TXNL4B: variants seen among roughly 807,000 people sequenced by gnomAD.
TXNL4B encodes the protein thioredoxin like 4B.
In TXNL4B, 12 loss-of-function variants were observed where a neutral mutation model predicts 13.0. The ratio of observed to expected loss-of-function variants is 0.92; its 90% CI spans 0.59 to 1.49. TXNL4B has a LOEUF of 1.49. Ranked by LOEUF, TXNL4B falls within the 40% of genes most tolerant of loss-of-function variation. The pLI is 0.00. For synonymous variants in TXNL4B, 59 were observed against 58.9 expected (o/e 1.00, Z -0.01); for missense variants, 214 against 173.6 (o/e 1.23, Z -1.31).
At chr16:72,092,077 A>C (rs113741761) in intron 1 of TXNL4B, among the ~76,000 whole-genome samples, 20 of 152,374 alleles carry the variant, frequency 1.3e-4, no homozygotes, top group Admixed American at 3.3e-4. Context: ...AAATATGAAA[A>C]GGGAGGATTT....
chr16:72,091,089 C>G (rs988452907), intron 1 of TXNL4B, among the ~76,000 whole-genome samples: 1 of 152,132 alleles, frequency 6.6e-6, no homozygotes, highest in Non-Finnish European at 1.5e-5. Flanking sequence ...CTCCCCACCC[C>G]CAAAAGATAG....
intron 3 of TXNL4B, among the ~76,000 whole-genome samples, chr16:72,088,525 G>A (rs1390010623): frequency 6.6e-6 from 1 of 152,234 alleles, no homozygotes; most frequent in African/African-American, 2.4e-5. Flanking sequence ...CTTTGCAAGA[G>A]AGAAGCACAT....
rs1597425531 is a variant in TXNL4B, at chr16:72,084,986, T to C, written c.*1651A>G. ...CTTAGCATATCGATGTTTTACGTGA[T>C]GCTGGGCACCTCGGGGACCTAAGAT... is the stretch of plus-strand genomic sequence containing the variant. On this transcript the variant is annotated 3_prime_UTR_variant, in exon 4 of 4. Transcript: ENST00000268483. The C allele has an allele frequency of 2.5e-6, 1 of 398,650 alleles. No homozygotes were observed. The highest frequency in any genetic ancestry group is 3.6e-5 in the East Asian group (1 of 28,082). The allele number at this position is 398,650 out of a possible 1,614,324, so 24.7% of individuals were successfully genotyped here. A position where few individuals can be genotyped will look rare whatever the true frequency, so the allele number is the denominator to read the frequency against.
rs1471470834 is a variant in TXNL4B, at chr16:72,084,893, T to C, written c.*1744A>G. 1 of 398,538 alleles carries C rather than the reference T, an allele frequency of 2.5e-6. No homozygotes were observed. Among genetic ancestry groups the C allele is most frequent in the African/African-American group, 2.1e-5 (1 of 48,642 alleles). The allele number at this position is 398,538 out of a possible 1,614,324, so 24.7% of individuals were successfully genotyped here. On this transcript the variant is annotated 3_prime_UTR_variant, in exon 4 of 4. Coordinates refer to ENST00000268483, the MANE Select transcript of TXNL4B (RefSeq NM_017853.3). ...GAAATTTTATTCTTTCACAGAAGTC[T>C]GAGGCAGGCAGGTCCAGAGTTCATG...
intron 2 of TXNL4B, among the ~76,000 whole-genome samples, chr16:72,089,833 G>C (rs2041876631): frequency 6.6e-6 from 1 of 152,140 alleles, no homozygotes; most frequent in Non-Finnish European, 1.5e-5. Flanking sequence ...TATGCTATCA[G>C]AGTCCCCATT....
intron 2 of TXNL4B, chr16:72,089,968 C>T (rs1038364496): frequency 5.0e-6 from 2 of 399,450 alleles, no homozygotes. Flanking sequence ...TCACTGACCT[C>T]TGTGGTATTT....
At chr16:72,090,512 A>G in intron 2 of TXNL4B, 106 bp downstream of exon 2, 1 of 1,144,376 alleles carries the variant, frequency 8.7e-7, no homozygotes, top group Non-Finnish European at 1.2e-6. Context: ...ACAAATGAAC[A>G]GCTATATACC....
At chr16:72,087,522 G>A (rs998199984) in intron 3 of TXNL4B, 2 of 152,100 alleles carry the variant, frequency 1.3e-5, no homozygotes, top group African/African-American at 4.8e-5. Context: ...TGTAATTACT[G>A]GGTTAAAAAG....
In TXNL4B at chr16:72,085,283, C is replaced by T. The variant is rs2041806593; in HGVS notation, c.*1354G>A. On this transcript the variant is annotated 3_prime_UTR_variant, in exon 4 of 4. Coordinates refer to ENST00000268483, the MANE Select transcript of TXNL4B (RefSeq NM_017853.3). Reference sequence around the variant, plus strand: ...CTTGCAGTGACAGTGCTGCTCTGAACAGGACTAGGCTTCTGTTGGAGAGGT... The same window carrying T: ...CTTGCAGTGACAGTGCTGCTCTGAATAGGACTAGGCTTCTGTTGGAGAGGT... 2 of 329,992 alleles carry T rather than the reference C, an allele frequency of 6.1e-6. No homozygotes were observed. Among genetic ancestry groups the T allele is most frequent in the Non-Finnish European group, 1.1e-5 (2 of 183,804 alleles). 20.4% of individuals were successfully genotyped at this position (329,992 alleles called of 1,614,324 possible).
At position 72,086,646 on chromosome 16, in the gene TXNL4B, T is replaced by G; in HGVS notation, c.441A>C (p.Gln147His). ...GACAGCAATTAATGTACTAAATGTC[T>G]TGATAGAGAAGGTCATATTTGGGAA... is the stretch of plus-strand genomic sequence containing the variant. Reference protein sequence around the residue: ...KNIPKYDLLYQDI With the variant: ...KNIPKYDLLYHDI Residue 147 changes from glutamine to histidine, a missense_variant, in exon 4 of 4, where the codon CAA (glutamine) becomes CAC (histidine). Physicochemically the swap from Gln to His is conservative, Grantham distance 24 (BLOSUM62 0). Transcript: ENST00000268483. The G allele has an allele frequency of 6.2e-7, 1 of 1,612,722 alleles. No homozygotes were observed. The highest frequency in any genetic ancestry group is 1.1e-5 in the South Asian group (1 of 90,978).
intron 1 of TXNL4B, among the ~76,000 whole-genome samples, chr16:72,092,419 CAAA>C (rs34306814): frequency 7.4e-6 from 1 of 135,382 alleles, no homozygotes; most frequent in Non-Finnish European, 1.6e-5. Flanking sequence ...GCTCCGTCTC[CAAA>C]AAAAAAAAAA....
intron 3 of TXNL4B, among the ~76,000 whole-genome samples, chr16:72,087,742 G>A (rs2041844737): frequency 6.6e-6 from 1 of 151,946 alleles, no homozygotes; most frequent in South Asian, 2.1e-4. Flanking sequence ...TCTGCTCACT[G>A]CAACCTCCAC....
rs3764313 is a variant in TXNL4B, at chr16:72,093,033, G to C, written c.-38+334C>G. Among the ~76,000 whole-genome samples, 226 of 152,060 alleles carry C rather than the reference G, an allele frequency of 1.5e-3. 2 individuals carry two copies. The East Asian group carries it at 0.039, about 26-fold the overall frequency. On this transcript the variant is annotated intron_variant, in intron 1 of 3. Transcript: ENST00000268483. ...CTCTCTTTTTCTGAGGCGGGGTTTC[G>C]CTATGTTGCCCAGGCTGGTCTCAAC...
At chr16:72,090,511 C>T in intron 2 of TXNL4B, 107 bp downstream of exon 2, 3 of 1,137,224 alleles carry the variant, frequency 2.6e-6, no homozygotes, top group Non-Finnish European at 3.7e-6. Flanking sequence ...AACAAATGAA[C>T]AGCTATATAC....
chr16:72,090,626 C>G lies in TXNL4B; in HGVS notation c.124G>C (p.Asp42His), dbSNP rs755153725. The part of the protein sequence containing the change: ...RDEDPVCLQL[D>H]DILSKTSSDL... ...TTTAGACATTCACTTACAATATCAT[C>G]TAGCTGCAGACAGACAGGATCTTCA... is the stretch of plus-strand genomic sequence containing the variant. The change falls in exon 2 of 4, where the codon GAT (aspartate) becomes CAT (histidine). Residue 42 changes from aspartate (D) to histidine (H), a missense_variant. Asp to His is a moderately conservative substitution (Grantham distance 81, BLOSUM62 -1). Transcript: ENST00000268483. 7 of 1,613,790 alleles carry G rather than the reference C, an allele frequency of 4.3e-6. No individual in the cohort carries two copies. Among genetic ancestry groups the G allele is most frequent in the Non-Finnish European group, 5.9e-6 (7 of 1,179,926 alleles).
At chr16:72,087,541 CT>C (rs1361547669) in intron 3 of TXNL4B, 1 of 152,136 alleles carries the variant, frequency 6.6e-6, no homozygotes, top group Non-Finnish European at 1.5e-5. Context: ...AGTTTAAAAA[CT>C]TTAAACTATT....
chr16:72,086,542 CAT>C lies in TXNL4B; in HGVS notation c.*93_*94del, dbSNP rs944490563. The C allele has an allele frequency of 2.0e-4, 240 of 1,222,198 alleles. 1 individual carries two copies. Among genetic ancestry groups the C allele is most frequent in the Non-Finnish European group, 2.2e-4 (191 of 865,662 alleles). The allele number at this position is 1,222,198 out of a possible 1,614,324, so 75.7% of individuals were successfully genotyped here. ...GTCAAACCTCTTCTCCTCTGGGACA[CAT>C]GTTTCCAAAGGACTCCAGAAACACA... On this transcript the variant is annotated 3_prime_UTR_variant, in exon 4 of 4. Transcript: ENST00000268483.
At chr16:72,088,329 C>T (rs2041853578) in intron 3 of TXNL4B, among the ~76,000 whole-genome samples, 1 of 152,218 alleles carries the variant, frequency 6.6e-6, no homozygotes, top group Non-Finnish European at 1.5e-5. Flanking sequence ...GTACACAGAT[C>T]TAGATAAGTG....
At chr16:72,090,264 T>C (rs2041884169) in intron 2 of TXNL4B, 1 of 459,544 alleles carries the variant, frequency 2.2e-6, no homozygotes, top group African/African-American at 2.0e-5. Context: ...GGAAATTACT[T>C]GACCTCTCTG....
Sources: gnomAD v4.1 joint callset for allele counts (sites outside exome capture counted in the v4.1 genomes callset) on GRCh38, gnomAD v4.1.1 for gene constraint, MANE v1.5 for transcripts, NCBI Gene and HGNC (gene_info 2026-07-23, HGNC 2026-07-21) for gene names.